The following SPAG16 variants were observed in gnomAD, a reference collection of about 807,000 sequenced individuals.
SPAG16 encodes sperm associated antigen 16.
Under a neutral mutation model 80.4 loss-of-function variants are expected in SPAG16, and 86 were observed. The observed-to-expected ratio is 1.07, with a 90% CI of 0.90 to 1.28. SPAG16 has a LOEUF of 1.28. SPAG16 is among the 50% of genes most tolerant of loss of function. The pLI, the probability that SPAG16 is intolerant of heterozygous loss-of-function variation, is 0.00. For missense variants in SPAG16, 870 were observed against 765.3 expected (o/e 1.14, Z -1.61); for synonymous variants, 294 against 265.9 (o/e 1.11, Z -1.03).
At chr2:213,297,084 C>G (rs1050901103) in intron 2 of SPAG16, 178 bp from the exon 3 acceptor site, 12 of 1,450,362 alleles carry the variant, frequency 8.3e-6, no homozygotes, top group Non-Finnish European at 9.1e-6. Flanking sequence ...TTGACATTTA[C>G]AAGGAAGTCA....
At chr2:214,242,692 T>G (rs1689576686) in intron 15 of SPAG16, among the ~76,000 whole-genome samples, 1 of 152,110 alleles carries the variant, frequency 6.6e-6, no homozygotes, top group Admixed American at 6.6e-5. Flanking sequence ...ATATTACAAA[T>G]AACAAAATAA....
intron 15 of SPAG16, among the ~76,000 whole-genome samples, chr2:214,149,967 A>T (rs540282742): frequency 1.8e-4 from 27 of 152,132 alleles, no homozygotes; most frequent in Non-Finnish European, 3.2e-4. Flanking sequence ...TAAATAATGT[A>T]TATATGTTAT....
At chr2:214,358,708 TG>T (rs1478320324) in intron 15 of SPAG16, among the ~76,000 whole-genome samples, 1 of 151,888 alleles carries the variant, frequency 6.6e-6, no homozygotes, top group African/African-American at 2.4e-5. Flanking sequence ...TCTTTGATCA[TG>T]GAGAGCCTCC....
At chr2:214,259,841 G>A (rs894324938) in intron 15 of SPAG16, among the ~76,000 whole-genome samples, 4 of 152,058 alleles carry the variant, frequency 2.6e-5, no homozygotes, top group South Asian at 4.1e-4. Flanking sequence ...ATCCAGCTGC[G>A]TTATCTACAT....
chr2:214,055,739 A>T (rs112256292), intron 13 of SPAG16, among the ~76,000 whole-genome samples: 1 of 152,154 alleles, frequency 6.6e-6, no homozygotes, highest in Admixed American at 6.6e-5. Context: ...ATTTAAAAAA[A>T]ATCTTTTGCT....
chr2:213,373,754 G>A lies in SPAG16; in HGVS notation c.833-1256G>A, dbSNP rs564773378. ...TTCTCATATACAATGGGAACAAAAG[G>A]TAGTGTGACCTTCACAAGATTATTT... On this transcript the variant is annotated intron_variant, in intron 8 of 15. Coordinates refer to ENST00000331683, the MANE Select transcript of SPAG16 (RefSeq NM_024532.5). 2.6e-5 allele frequency among the ~76,000 whole-genome samples: 4 copies of A among 152,242 alleles called. No homozygotes were observed. In the South Asian group the frequency reaches 8.3e-4, roughly 32 times the overall value.
At chr2:213,971,762 C>T (rs2045071282) in intron 12 of SPAG16, among the ~76,000 whole-genome samples, 1 of 152,130 alleles carries the variant, frequency 6.6e-6, no homozygotes, top group Non-Finnish European at 1.5e-5. Flanking sequence ...TTTTGAGAAA[C>T]AGTGTAAGTG....
At chr2:213,363,175 T>A (rs1212532085) in intron 7 of SPAG16, among the ~76,000 whole-genome samples, 1 of 152,186 alleles carries the variant, frequency 6.6e-6, no homozygotes, top group Admixed American at 6.5e-5. Flanking sequence ...CAATGTATGA[T>A]GTTAATGGGG....
At chr2:213,515,072 T>A (rs2075371179) in intron 10 of SPAG16, among the ~76,000 whole-genome samples, 1 of 152,152 alleles carries the variant, frequency 6.6e-6, no homozygotes, top group Admixed American at 6.5e-5. Flanking sequence ...ATGTCAGGTG[T>A]TATGCGTCTT....
chr2:213,738,061 T>C (rs2067375119), intron 10 of SPAG16, among the ~76,000 whole-genome samples: 1 of 152,242 alleles, frequency 6.6e-6, no homozygotes, highest in African/African-American at 2.4e-5. Context: ...CTAAAAACTT[T>C]AGCATTCAAA....
At chr2:214,308,326 C>A (rs1695061243) in intron 15 of SPAG16, among the ~76,000 whole-genome samples, 1 of 152,134 alleles carries the variant, frequency 6.6e-6, no homozygotes, top group Admixed American at 6.6e-5. Flanking sequence ...ACCATTGGGT[C>A]TTGGCTCTTT....
intron 9 of SPAG16, among the ~76,000 whole-genome samples, chr2:213,434,973 G>A (rs929037585): frequency 6.6e-6 from 1 of 152,070 alleles, no homozygotes; most frequent in Non-Finnish European, 1.5e-5. Flanking sequence ...CTACCCAAAA[G>A]AAAAGAAATT....
At chr2:213,734,925 A>C (rs1287397134) in intron 10 of SPAG16, among the ~76,000 whole-genome samples, 1 of 151,680 alleles carries the variant, frequency 6.6e-6, no homozygotes, top group Non-Finnish European at 1.5e-5. Context: ...AGTAGGTCTC[A>C]ACCTTTTATT....
At chr2:213,672,516 G>A (rs1442860704) in intron 10 of SPAG16, among the ~76,000 whole-genome samples, 1 of 151,742 alleles carries the variant, frequency 6.6e-6, no homozygotes, top group South Asian at 2.1e-4. Context: ...TTACTTTTTT[G>A]TTCCATTGTT....
intron 12 of SPAG16, among the ~76,000 whole-genome samples, chr2:213,932,504 T>C (rs1367591676): frequency 6.6e-6 from 1 of 152,066 alleles, no homozygotes; most frequent in Non-Finnish European, 1.5e-5. Context: ...CGCCTGGCCA[T>C]GCTGCATAGT....
chr2:213,616,678 T>TA (rs1234593490), intron 10 of SPAG16, among the ~76,000 whole-genome samples: 5 of 152,210 alleles, frequency 3.3e-5, no homozygotes, highest in Non-Finnish European at 7.4e-5. Context: ...GCAGAGTTCC[T>TA]AATGGGCCTG....
intron 15 of SPAG16, among the ~76,000 whole-genome samples, chr2:214,267,645 A>G (rs1400728838): frequency 6.6e-6 from 1 of 151,874 alleles, no homozygotes; most frequent in East Asian, 1.9e-4. Flanking sequence ...GAAAATAAAG[A>G]TATCACAAAT....
intron 11 of SPAG16, chr2:213,923,859 C>A (rs956930877): frequency 2.6e-5 from 4 of 152,422 alleles, no homozygotes; most frequent in African/African-American, 9.7e-5. Context: ...GAGGCTCTAG[C>A]AGTTGTTGCC....
intron 10 of SPAG16, among the ~76,000 whole-genome samples, chr2:213,770,533 G>A (rs2069185470): frequency 6.6e-6 from 1 of 152,078 alleles, no homozygotes; most frequent in Non-Finnish European, 1.5e-5. Flanking sequence ...ATGTCCCATG[G>A]TGGTTTGCTG....
Sources: allele counts gnomAD v4.1 joint callset (sites outside exome capture counted in the v4.1 genomes callset), GRCh38; gene constraint gnomAD v4.1.1; transcripts MANE v1.5; gene names NCBI Gene and HGNC (gene_info 2026-07-23, HGNC 2026-07-21).